Variants in REPS2 observed in about 807,000 individuals in gnomAD.
REPS2 encodes the protein RALBP1 associated Eps domain containing 2.
A neutral mutation model predicts 53.6 loss-of-function variants in REPS2; 23 were observed. The ratio of observed to expected loss-of-function variants is 0.43; its 90% CI spans 0.31 to 0.61. REPS2 has a LOEUF of 0.61. Among genes scored for constraint, REPS2 ranks in the 20% least tolerant of loss-of-function variants. REPS2 has a pLI of 0.11. For synonymous variants in REPS2, 238 were observed against 218.6 expected (o/e 1.09, Z -0.78); for missense variants, 446 against 534.9 (o/e 0.83, Z 1.64).
the REPS2 span, among the ~76,000 whole-genome samples, chrX:17,187,043 A>G: frequency 2.7e-5 from 3 of 111,845 alleles, no homozygotes; most frequent in Non-Finnish European, 5.6e-5. Context: ...CAATTCATCC[A>G]TGTAACCAAA....
At chrX:17,011,961 C>CAA (rs34737090) in intron 2 of REPS2, among the ~76,000 whole-genome samples, 1 of 67,673 alleles carries the variant, frequency 1.5e-5, no homozygotes, top group Non-Finnish European at 2.9e-5. Flanking sequence ...GACTATATCT[C>CAA]AAAAAAAAAA....
chrX:16,994,412 CA>C (rs1318329664), intron 1 of REPS2, among the ~76,000 whole-genome samples: 1 of 110,089 alleles, frequency 9.1e-6, no homozygotes, highest in Non-Finnish European at 1.9e-5. Flanking sequence ...CACACACGTA[CA>C]TATATATGCA....
intron 1 of REPS2, among the ~76,000 whole-genome samples, chrX:16,950,918 C>G (rs899098898): frequency 8.9e-6 from 1 of 112,063 alleles, no homozygotes; most frequent in African/African-American, 3.2e-5. Flanking sequence ...TGGTGGCATG[C>G]GCTTGTAGTC....
At chrX:17,037,483 A>G (rs1409491973) in intron 5 of REPS2, among the ~76,000 whole-genome samples, 1 of 111,622 alleles carries the variant, frequency 9.0e-6, no homozygotes, top group Non-Finnish European at 1.9e-5. Flanking sequence ...TATTTTTTGT[A>G]TATATTTCTT....
chrX:17,065,537 C>T (rs1026741428), intron 9 of REPS2, among the ~76,000 whole-genome samples: 8 of 112,202 alleles, frequency 7.1e-5, no homozygotes, highest in African/African-American at 1.9e-4. Flanking sequence ...TATTAAATCA[C>T]GAAGATGTAC....
intron 5 of REPS2, among the ~76,000 whole-genome samples, chrX:17,033,252 C>G (rs778850626): frequency 9.0e-6 from 1 of 111,415 alleles, no homozygotes; most frequent in Non-Finnish European, 1.9e-5. Context: ...ATTATGCCTG[C>G]TCTCCTGGTT....
chrX:17,103,658 G>A, intron 13 of REPS2, 60 bp from the exon 14 acceptor site: 1 of 1,072,385 alleles, frequency 9.3e-7, no homozygotes, highest in Admixed American at 2.2e-5. Flanking sequence ...ACAAGCATAA[G>A]AGTTTTTTGT....
chrX:17,192,790 A>G, the REPS2 span, among the ~76,000 whole-genome samples: 1 of 111,486 alleles, frequency 9.0e-6, no homozygotes, highest in Non-Finnish European at 1.9e-5. Context: ...CTCAGTAATT[A>G]TCTCCCACTC....
chrX:17,080,417 C>G (rs2062441171), intron 13 of REPS2, among the ~76,000 whole-genome samples: 1 of 110,535 alleles, frequency 9.0e-6, no homozygotes, highest in African/African-American at 3.3e-5. Flanking sequence ...TCACTCTCCC[C>G]TTGCCAAGCT....
intron 13 of REPS2, among the ~76,000 whole-genome samples, chrX:17,085,478 GTTT>G (rs2062520970): frequency 8.9e-6 from 1 of 111,925 alleles, no homozygotes; most frequent in South Asian, 3.7e-4. Flanking sequence ...TAGTATTGCG[GTTT>G]TAATAACATT....
At chrX:17,028,996 T>C (rs778583091) in intron 4 of REPS2, among the ~76,000 whole-genome samples, 2 of 112,196 alleles carry the variant, frequency 1.8e-5, no homozygotes, top group African/African-American at 3.2e-5. Flanking sequence ...AGTTTGGTTA[T>C]TGAATAGTAG....
chrX:17,165,004 C>G, the REPS2 span, among the ~76,000 whole-genome samples: 3 of 110,621 alleles, frequency 2.7e-5, no homozygotes, highest in African/African-American at 9.9e-5. Context: ...GGGGTTATTT[C>G]TAACCGTCTT....
At chrX:17,037,799 T>C (rs1352101004) in intron 5 of REPS2, among the ~76,000 whole-genome samples, 1 of 112,364 alleles carries the variant, frequency 8.9e-6, no homozygotes, top group Admixed American at 9.4e-5. Flanking sequence ...GACCTTTTGG[T>C]CTCAGTTATA....
At chrX:17,010,027 T>C (rs2061409386) in intron 2 of REPS2, among the ~76,000 whole-genome samples, 1 of 111,360 alleles carries the variant, frequency 9.0e-6, no homozygotes, top group Non-Finnish European at 1.9e-5. Context: ...CTGTTTTTCC[T>C]TTCTGCTTCC....
At position 17,070,001 on chromosome X, in the gene REPS2, A is replaced by G. The variant is rs1485298982; in HGVS notation, c.1333+8A>G. 1.9e-6 allele frequency: 2 copies of G among 1,050,439 alleles called. No individual in the cohort carries two copies. The highest frequency in any genetic ancestry group is 3.3e-5 in the East Asian group (1 of 30,386). The allele number at this position is 1,050,439 out of a possible 1,213,427, so 86.6% of individuals were successfully genotyped here. A position where few individuals can be genotyped will look rare whatever the true frequency, so the allele number is the denominator to read the frequency against. ...ACGTGTCTGAGGATCCAGGTAGGAGAAAACCATTTTTGTATACTTTATATA... is the reference window on the plus strand; with the variant it reads ...ACGTGTCTGAGGATCCAGGTAGGAGGAAACCATTTTTGTATACTTTATATA... On this transcript the variant is annotated splice_region_variant and intron_variant, in intron 11 of 17. Transcript: ENST00000357277.
intron 14 of REPS2, among the ~76,000 whole-genome samples, chrX:17,121,355 G>A (rs771058874): frequency 5.3e-5 from 6 of 112,379 alleles, no homozygotes; most frequent in African/African-American, 1.9e-4. Context: ...ATTTGCAGCC[G>A]TTGTTGCTGT....
chrX:17,166,156 T>A, the REPS2 span, among the ~76,000 whole-genome samples: 1 of 111,066 alleles, frequency 9.0e-6, no homozygotes, highest in Non-Finnish European at 1.9e-5. Context: ...AATAGCGGGG[T>A]TGGAAGTTGC....
In REPS2 at chrX:17,135,394, C is replaced by T; in HGVS notation, c.1796C>T (p.Pro599Leu). The T allele has an allele frequency of 8.3e-7, 1 of 1,208,768 alleles. No homozygotes were observed. The highest frequency in any genetic ancestry group is 1.1e-6 in the Non-Finnish European group (1 of 894,734). ...PASAATMKPH[P>L]TVQKQSSKQK... The stretch of plus-strand genomic sequence containing the variant: ...TCTGCGGCAACCATGAAACCGCATC[C>T]AACAGTCCAAAAGTAAGTAGACCAC... The change falls in exon 16 of 18, where the codon CCA becomes CTA. Residue 599 changes from proline (P) to leucine (L), a missense_variant. Pro to Leu is a moderately conservative substitution (Grantham distance 98). Coordinates refer to ENST00000357277, the MANE Select transcript of REPS2 (RefSeq NM_004726.3).
intron 14 of REPS2, among the ~76,000 whole-genome samples, chrX:17,119,445 C>T (rs779955727): frequency 8.9e-6 from 1 of 112,240 alleles, no homozygotes; most frequent in East Asian, 2.8e-4. Flanking sequence ...GCTCACTCTG[C>T]TGGTATCATT....
Sources: allele counts gnomAD v4.1 joint callset (sites outside exome capture counted in the v4.1 genomes callset), GRCh38; gene constraint gnomAD v4.1.1; transcripts MANE v1.5; gene names NCBI Gene and HGNC (gene_info 2026-07-23, HGNC 2026-07-21).